The following ANLN variants were observed in gnomAD, a reference collection of about 807,000 sequenced individuals.
The protein encoded by ANLN is anillin, actin binding protein.
A neutral mutation model predicts 135.1 loss-of-function variants in ANLN; 59 were observed. That is an observed-to-expected ratio of 0.44 (90% confidence interval 0.35 to 0.54). The LOEUF (loss-of-function observed/expected upper bound fraction) is 0.54. Ranked by LOEUF, ANLN falls within the 20% of genes least tolerant of loss-of-function variation. The probability of loss-of-function intolerance (pLI) is 0.00; values close to 1 mark genes in which losing one functional copy is unlikely to be tolerated. For synonymous variants in ANLN, 406 were observed against 456.4 expected, an observed-to-expected ratio of 0.89 and a Z score of 1.41; for missense variants, 1,182 against 1,340.0, an observed-to-expected ratio of 0.88 and a Z score of 1.84.
In ANLN at chr7:36,399,340, G is replaced by A. The variant is rs34285732; in HGVS notation, c.434G>A (p.Arg145His). ...ACTGCAGCCTCCTCAGTTAAAACAC[G>A]TATGCAAAAACTTGCAGAGCAACGG... ...EATAASSVKT[R>H]MQKLAEQRRR... Residue 145 changes from arginine to histidine, a missense_variant, in exon 3 of 24, where the codon CGT (arginine) becomes CAT (histidine). Transcript: ENST00000265748. 7.9e-4 allele frequency: 1,276 copies of A among 1,613,428 alleles called. 14 individuals are homozygous for A. The African/African-American group carries it at 0.016, about 20-fold the overall frequency.
At chr7:36,424,264 G>A (rs971715690) in intron 15 of ANLN, among the ~76,000 whole-genome samples, 3 of 151,976 alleles carry the variant, frequency 2.0e-5, no homozygotes, top group Admixed American at 1.3e-4. Flanking sequence ...ATGAAAATAC[G>A]TTTATATTTA....
At chr7:36,427,990 C>A (rs1306970225) in intron 20 of ANLN, among the ~76,000 whole-genome samples, 7 of 152,028 alleles carry the variant, frequency 4.6e-5, no homozygotes, top group Non-Finnish European at 1.5e-5. Context: ...ATTAGAAGCC[C>A]TGGTTTCTAG....
intron 22 of ANLN, 63 bp from the exon 23 acceptor site, chr7:36,449,602 C>T (rs185603997): frequency 7.7e-7 from 1 of 1,293,692 alleles, no homozygotes; most frequent in Non-Finnish European, 1.1e-6. Context: ...TTAAATGCTG[C>T]TTAATGCTTA....
intron 7 of ANLN, among the ~76,000 whole-genome samples, chr7:36,412,493 T>A (rs1787466214): frequency 6.6e-6 from 1 of 151,814 alleles, no homozygotes; most frequent in Admixed American, 6.6e-5. Context: ...CACACTTGGC[T>A]AATTTTGTAT....
At chr7:36,425,632 T>G in intron 17 of ANLN, 70 bp from the exon 18 acceptor site, 7 of 1,200,620 alleles carry the variant, frequency 5.8e-6, no homozygotes, top group Non-Finnish European at 8.4e-6. Context: ...TTCTCAAGGT[T>G]GGATAGTTTT....
At chr7:36,425,980 AT>A in intron 18 of ANLN, 34 bp from the exon 19 acceptor site, 3 of 1,455,308 alleles carry the variant, frequency 2.1e-6, no homozygotes, top group Non-Finnish European at 1.9e-6. Flanking sequence ...GAAATAACTT[AT>A]GTTTCTTCTT....
At position 36,407,611 on chromosome 7, in the gene ANLN, A is replaced by C; in HGVS notation, c.874-123A>C. 2 of 761,706 alleles carry C rather than the reference A, an allele frequency of 2.6e-6. 1 individual carries two copies. Among genetic ancestry groups the C allele is most frequent in the South Asian group, 3.7e-5 (2 of 53,726 alleles). 47.2% of individuals were successfully genotyped at this position (761,706 alleles called of 1,614,324 possible). A position where few individuals can be genotyped will look rare whatever the true frequency, so the allele number is the denominator to read the frequency against. ...TTTGTTTGATCTATTAGAGAGCAAA[A>C]TCATTTCATTTTCATAAATCTTACA... On this transcript the variant is annotated intron_variant, in intron 4 of 23. Coordinates refer to ENST00000265748, the MANE Select transcript of ANLN (RefSeq NM_018685.5).
chr7:36,435,370 A>G (rs1433182397), intron 20 of ANLN, among the ~76,000 whole-genome samples: 1 of 140,264 alleles, frequency 7.1e-6, no homozygotes, highest in Non-Finnish European at 1.6e-5. Context: ...CTTTTAAAAA[A>G]GAAAATAGAG....
intron 3 of ANLN, among the ~76,000 whole-genome samples, chr7:36,403,765 C>T (rs1360479052): frequency 6.6e-6 from 1 of 152,050 alleles, no homozygotes; most frequent in African/African-American, 2.4e-5. Context: ...GATCCTCCCA[C>T]CTCAGTGACC....
chr7:36,396,369 G>A lies in ANLN; in HGVS notation c.122G>A (p.Arg41Lys). 1 of 1,603,276 alleles carries A rather than the reference G, an allele frequency of 6.2e-7. No individual in the cohort carries two copies. The highest frequency in any genetic ancestry group is 8.5e-7 in the Non-Finnish European group (1 of 1,171,634). ...TCTATGACTCATGCTAAGCGAGCTA[G>A]ACAGCCACTTTCAGAAGCAAGTAAC... The part of the protein sequence containing the change: ...PRSMTHAKRA[R>K]QPLSEASNQQ... Residue 41 changes from arginine (R) to lysine (K), a missense_variant, in exon 2 of 24, where the codon AGA becomes AAA. Arg to Lys is a conservative substitution (Grantham distance 26). Around this residue, in one of 3 missense-constraint regions of ANLN, gnomAD observed 1,022 missense variants for 1,134.0 expected, o/e 0.90. Transcript: ENST00000265748.
chr7:36,396,106 G>A (rs183554135), intron 1 of ANLN, among the ~76,000 whole-genome samples, 160 bp from the exon 2 acceptor site: 1 of 152,048 alleles, frequency 6.6e-6, no homozygotes, highest in South Asian at 2.1e-4. Flanking sequence ...TGACATTGGG[G>A]TACTCATTTA....
At chr7:36,427,100 C>T in intron 20 of ANLN, 72 bp downstream of exon 20, 1 of 910,734 alleles carries the variant, frequency 1.1e-6, no homozygotes. Context: ...AATGGAAATG[C>T]CACAATGCTT....
intron 23 of ANLN, among the ~76,000 whole-genome samples, chr7:36,450,435 A>T (rs1454650049): frequency 6.6e-6 from 1 of 152,222 alleles, no homozygotes; most frequent in African/African-American, 2.4e-5. Flanking sequence ...GACAAAAGTT[A>T]GAATTTGATA....
Position 36,449,792 on chromosome 7 carries a change from G to A in ANLN, c.3206G>A (p.Arg1069Gln), listed in dbSNP as rs778999686. The change falls in exon 23 of 24, where the codon CGA (arginine) becomes CAA (glutamine). Residue 1069 changes from arginine (R) to glutamine (Q), a missense_variant. Arg to Gln is a conservative substitution (Grantham distance 43). Coordinates refer to ENST00000265748, the MANE Select transcript of ANLN (RefSeq NM_018685.5). ...GTCCGACCACAAAGAGAAGATGACCGAGAGACTCTTGTCAGCCAATGCAGG... is the reference window on the plus strand; with the variant it reads ...GTCCGACCACAAAGAGAAGATGACCAAGAGACTCTTGTCAGCCAATGCAGG... ...ITVRPQREDD[R>Q]ETLVSQCRDT... is the part of the protein sequence containing the mutation. 8.7e-6 allele frequency: 14 copies of A among 1,613,850 alleles called. No individual in the cohort carries two copies. The highest frequency in any genetic ancestry group is 8.3e-5 in the Admixed American group (5 of 59,990).
rs759879415 is a variant in ANLN, at chr7:36,420,600, T to C, written c.2019T>C (p.Ile673=). The part of the protein sequence containing the change: ...GSEDRDLLYS[I]DAYRSQRFKE... ...GAGTGTAACTTACCTCTTGAAGCAT[T>C]GATGCATATAGATCTCAAAGATTCA... The change falls in exon 12 of 24, where the codon ATT becomes ATC. Residue 673 remains isoleucine, a synonymous_variant. Transcript: ENST00000265748. 6.2e-7 allele frequency: 1 copy of C among 1,611,574 alleles called. No homozygotes were observed. Among genetic ancestry groups the C allele is most frequent in the Admixed American group, 1.7e-5 (1 of 60,000 alleles).
intron 5 of ANLN, among the ~76,000 whole-genome samples, chr7:36,410,219 G>A (rs111243067): frequency 2.6e-5 from 4 of 151,832 alleles, no homozygotes; most frequent in South Asian, 2.1e-4. Context: ...TTAAATTCTG[G>A]TTGTTCAGTT....
chr7:36,436,839 T>G (rs577751419), intron 20 of ANLN, among the ~76,000 whole-genome samples: 3 of 152,330 alleles, frequency 2.0e-5, no homozygotes, highest in Non-Finnish European at 4.4e-5. Context: ...TTGGGTTGTC[T>G]TTTTGTTACT....
intron 14 of ANLN, 87 bp downstream of exon 14, chr7:36,422,896 C>A: frequency 8.0e-7 from 1 of 1,244,872 alleles, no homozygotes; most frequent in Non-Finnish European, 1.1e-6. Flanking sequence ...GTAAATCATG[C>A]ATAACAATGC....
intron 20 of ANLN, among the ~76,000 whole-genome samples, chr7:36,427,939 A>C (rs964762841): frequency 6.6e-6 from 1 of 152,174 alleles, no homozygotes; most frequent in Non-Finnish European, 1.5e-5. Flanking sequence ...TTATCATGTG[A>C]GATTTCTGTA....
Sources: allele counts gnomAD v4.1 joint callset (sites outside exome capture counted in the v4.1 genomes callset), GRCh38; gene constraint gnomAD v4.1.1; regional missense constraint gnomAD v4.1.1; transcripts MANE v1.5; gene names NCBI Gene and HGNC (gene_info 2026-07-23, HGNC 2026-07-21).